Variants in RAMP1 observed in about 807,000 individuals in gnomAD.
RAMP1 encodes receptor activity-modifying protein 1.
Under a neutral mutation model 8.2 loss-of-function variants are expected in RAMP1, and 7 were observed. The ratio of observed to expected loss-of-function variants is 0.85; its 90% CI spans 0.49 to 1.60. The LOEUF (loss-of-function observed/expected upper bound fraction) is 1.60. Ranked by LOEUF, RAMP1 falls within the 40% of genes most tolerant of loss-of-function variation. RAMP1 has a pLI of 0.00. For synonymous variants in RAMP1, 92 were observed against 84.7 expected, an observed-to-expected ratio of 1.09 and a Z score of -0.47; for missense variants, 192 against 202.4, an observed-to-expected ratio of 0.95 and a Z score of 0.31.
Position 237,865,415 on chromosome 2 carries a change from A to G in RAMP1, c.52+5688A>G, listed in dbSNP as rs2062178260. Among the ~76,000 whole-genome samples the G allele has an allele frequency of 6.6e-6, 1 of 151,990 alleles. No individual in the cohort carries two copies. Among genetic ancestry groups the G allele is most frequent in the East Asian group, 1.9e-4 (1 of 5,170 alleles). ...GCCACAGCCAGGGCTGCCAGGAAAC[A>G]TGGGAGCCCCAGGCAAACTGGAATT... On this transcript the variant is annotated intron_variant, in intron 1 of 2. Coordinates refer to ENST00000254661, the MANE Select transcript of RAMP1 (RefSeq NM_005855.4). This position sits in a 1 kb window ranked among gnomAD's most constrained non-coding sequence, Gnocchi z 4.2.
At chr2:237,900,987 G>C (rs961753629) in intron 2 of RAMP1, among the ~76,000 whole-genome samples, 1 of 152,212 alleles carries the variant, frequency 6.6e-6, no homozygotes, top group African/African-American at 2.4e-5. Flanking sequence ...TTATGCTACT[G>C]TTTATCTACC....
At chr2:237,901,032 T>C (rs910702150) in intron 2 of RAMP1, among the ~76,000 whole-genome samples, 2 of 152,256 alleles carry the variant, frequency 1.3e-5, no homozygotes, top group Non-Finnish European at 2.9e-5. Flanking sequence ...CTCCCACGTG[T>C]CTTGCGTTCC....
intron 2 of RAMP1, among the ~76,000 whole-genome samples, chr2:237,909,112 G>A (rs989450311): frequency 6.6e-5 from 10 of 152,252 alleles, no homozygotes; most frequent in Admixed American, 2.0e-4. Context: ...TCTGGCTTAC[G>A]GATGCCCACT....
chr2:237,909,455 C>T (rs2062687495), intron 2 of RAMP1, among the ~76,000 whole-genome samples: 1 of 152,182 alleles, frequency 6.6e-6, no homozygotes, highest in African/African-American at 2.4e-5. Context: ...AAGACCCCTT[C>T]AGGCCATCAG....
intron 2 of RAMP1, among the ~76,000 whole-genome samples, chr2:237,894,501 C>T (rs932356459): frequency 5.9e-5 from 9 of 152,166 alleles, no homozygotes; most frequent in Admixed American, 2.0e-4. Context: ...GCAGGCCATA[C>T]GTCCTCAGAC....
At position 237,911,488 on chromosome 2, in the gene RAMP1, C is replaced by G. The variant is rs199624790; in HGVS notation, c.192-40C>G. The G allele has an allele frequency of 6.8e-5, 109 of 1,604,576 alleles. No individual in the cohort carries two copies. The East Asian group carries it at 2.3e-3, about 34-fold the overall frequency. On this transcript the variant is annotated intron_variant, in intron 2 of 2. Transcript: ENST00000254661. ...GGCTGGGGTCCCGCGTTGGATCCCC[C>G]GCCTGCCCAGGGTCTTACCACCTCC...
At chr2:237,883,706 C>G (rs2062396721) in intron 2 of RAMP1, among the ~76,000 whole-genome samples, 2 of 151,426 alleles carry the variant, frequency 1.3e-5, no homozygotes, top group Non-Finnish European at 2.9e-5. Context: ...GACCCAGGTG[C>G]TTGGGAGGCT....
chr2:237,911,737 C>G lies in RAMP1; in HGVS notation c.401C>G (p.Thr134Arg). ...CCCATCACGGTGACCCTGCTGGTGA[C>G]GGCACTGGTGGTCTGGCAGAGCAAG... is the stretch of plus-strand genomic sequence containing the variant. ...VVPITVTLLV[T>R]ALVVWQSKRT... Residue 134 changes from threonine (T) to arginine (R), a missense_variant, in exon 3 of 3, where the codon ACG becomes AGG. Transcript: ENST00000254661. 1 of 1,613,172 alleles carries G rather than the reference C, an allele frequency of 6.2e-7. No individual in the cohort carries two copies. Among genetic ancestry groups the G allele is most frequent in the Non-Finnish European group, 8.5e-7 (1 of 1,179,684 alleles).
Position 237,859,721 on chromosome 2 carries a change from C to T in RAMP1, c.46C>T (p.Leu16Phe). 6.6e-7 allele frequency: 1 copy of T among 1,513,740 alleles called. No homozygotes were observed. The highest frequency in any genetic ancestry group is 1.3e-5 in the South Asian group (1 of 79,946). 93.8% of individuals were successfully genotyped at this position (1,513,740 alleles called of 1,614,324 possible). The change falls in exon 1 of 3, where the codon CTC becomes TTC. Residue 16 changes from leucine to phenylalanine, a missense_variant. Physicochemically the swap from Leu to Phe is conservative, Grantham distance 22. Transcript: ENST00000254661. ...CCTCCCGCGGCGCGGCCTCTGGCTG[C>T]TCCTGGGTGAGTAGGTCCAGGGGTC... The part of the protein sequence containing the change: ...CRLPRRGLWL[L>F]LAHHLFMTTA...
At chr2:237,899,431 C>T (rs2062576460) in intron 2 of RAMP1, among the ~76,000 whole-genome samples, 1 of 152,158 alleles carries the variant, frequency 6.6e-6, no homozygotes. Flanking sequence ...AAGGTTGTGG[C>T]TTTTTTAAAA....
chr2:237,863,436 A>G (rs1232333669), intron 1 of RAMP1, among the ~76,000 whole-genome samples: 1 of 152,186 alleles, frequency 6.6e-6, no homozygotes, highest in Non-Finnish European at 1.5e-5. Flanking sequence ...CCAGAACAGG[A>G]GGACTCTCAG....
intron 2 of RAMP1, among the ~76,000 whole-genome samples, chr2:237,888,987 G>A (rs928799197): frequency 6.6e-6 from 1 of 152,130 alleles, no homozygotes; most frequent in African/African-American, 2.4e-5. Flanking sequence ...TGGCCAGGCT[G>A]GTCTCGAACT....
intron 1 of RAMP1, among the ~76,000 whole-genome samples, chr2:237,860,205 C>A (rs934198173): frequency 6.6e-6 from 1 of 152,224 alleles, no homozygotes; most frequent in Non-Finnish European, 1.5e-5. Context: ...AGAACCACAG[C>A]CGGTTTGTAT....
rs1280125681 is a variant in RAMP1 at position 237,862,689 on chromosome 2, TGCCAGTGCCCCC to T, written c.52+2963_52+2974del. ...CCTCGGGCTTGCCTGCCAGTGCCCC[TGCCAGTGCCCCC>T]ACCCCCAACTCAGGCCTAGAACCCC... On this transcript the variant is annotated intron_variant, in intron 1 of 2. Coordinates refer to ENST00000254661, the MANE Select transcript of RAMP1 (RefSeq NM_005855.4). This position sits in a 1 kb window ranked among gnomAD's most constrained non-coding sequence, Gnocchi z 4.0. Among the ~76,000 whole-genome samples the T allele has an allele frequency of 6.6e-6, 1 of 152,206 alleles. No individual in the cohort carries two copies. The highest frequency in any genetic ancestry group is 1.5e-5 in the Non-Finnish European group (1 of 68,024).
At chr2:237,875,651 A>ATG (rs2062295321) in intron 1 of RAMP1, among the ~76,000 whole-genome samples, 2 of 151,960 alleles carry the variant, frequency 1.3e-5, no homozygotes, top group African/African-American at 4.8e-5. Context: ...TCCCTGATTC[A>ATG]ACACACCTGG....
At position 237,864,676 on chromosome 2, in the gene RAMP1, C is replaced by T. The variant is rs1348032732; in HGVS notation, c.52+4949C>T. ...CAGCCTGCTACAGTAGGGTGTCCTA[C>T]ACAACCCAGGGCAGCTCCCCCAGAG... On this transcript the variant is annotated intron_variant, in intron 1 of 2. Transcript: ENST00000254661. 3.9e-5 allele frequency among the ~76,000 whole-genome samples: 6 copies of T among 152,228 alleles called. No homozygotes were observed. The East Asian group carries it at 7.7e-4, about 20-fold the overall frequency.
chr2:237,872,263 C>A (rs941363618), intron 1 of RAMP1, among the ~76,000 whole-genome samples: 4 of 152,224 alleles, frequency 2.6e-5, no homozygotes, highest in African/African-American at 9.6e-5. Context: ...GCCGGGGGCA[C>A]CTCGTGCTCT....
At chr2:237,861,114 A>C (rs921508227) in intron 1 of RAMP1, among the ~76,000 whole-genome samples, 9 of 152,232 alleles carry the variant, frequency 5.9e-5, no homozygotes, top group Admixed American at 3.3e-4. Flanking sequence ...TAAATAACCA[A>C]ATAAATAAAC....
intron 2 of RAMP1, among the ~76,000 whole-genome samples, chr2:237,896,875 C>G (rs559050036): frequency 6.6e-6 from 1 of 152,314 alleles, no homozygotes; most frequent in Non-Finnish European, 1.5e-5. Context: ...TCTGGAACTC[C>G]TGGGCTCAAG....
Sources: allele counts gnomAD v4.1 joint callset (sites outside exome capture counted in the v4.1 genomes callset), GRCh38; gene constraint gnomAD v4.1.1; non-coding constraint Gnocchi (gnomAD v3.1); transcripts MANE v1.5; gene names NCBI Gene and HGNC (gene_info 2026-07-23, HGNC 2026-07-21).